The following PRKN variants were observed in gnomAD, a reference collection of about 807,000 sequenced individuals.
The protein encoded by PRKN is parkin RBR E3 ubiquitin protein ligase.
Under a neutral mutation model 59.5 loss-of-function variants are expected in PRKN, and 56 were observed. The observed-to-expected ratio is 0.94, with a 90% CI of 0.76 to 1.18. The LOEUF is 1.18. PRKN is among the 50% of genes most tolerant of loss of function. The pLI is 0.00. For missense variants in PRKN, 657 were observed against 596.4 expected (o/e 1.10, Z -1.06); for synonymous variants, 250 against 222.1 (o/e 1.13, Z -1.12).
chr6:161,755,583 G>C (rs1046765675), intron 7 of PRKN, among the ~76,000 whole-genome samples: 2 of 151,784 alleles, frequency 1.3e-5, no homozygotes, highest in African/African-American at 2.4e-5. Context: ...ACAGTGCCTC[G>C]ACTACGGCAA....
At chr6:162,595,903 G>A (rs1315917291) in intron 1 of PRKN, among the ~76,000 whole-genome samples, 1 of 151,992 alleles carries the variant, frequency 6.6e-6, no homozygotes, top group African/African-American at 2.4e-5. Flanking sequence ...TAAGCTCATT[G>A]AATATTAATG....
chr6:161,835,062 C>A (rs1354155029), intron 6 of PRKN, among the ~76,000 whole-genome samples: 1 of 152,172 alleles, frequency 6.6e-6, no homozygotes, highest in Non-Finnish European at 1.5e-5. Context: ...AAGTCCGTCT[C>A]TTACTGATTT....
At chr6:162,652,290 A>T (rs1778473661) in intron 1 of PRKN, among the ~76,000 whole-genome samples, 1 of 152,204 alleles carries the variant, frequency 6.6e-6, no homozygotes, top group African/African-American at 2.4e-5. Flanking sequence ...CTTCCAGCTG[A>T]CTGATATGTC....
intron 7 of PRKN, among the ~76,000 whole-genome samples, chr6:161,687,454 T>A (rs929435156): frequency 6.0e-5 from 9 of 149,582 alleles, no homozygotes; most frequent in African/African-American, 9.9e-5. Context: ...TCTTTTTTTT[T>A]AAATTAAAAA....
chr6:161,702,472 T>C (rs1583026632), intron 7 of PRKN, among the ~76,000 whole-genome samples: 1 of 151,980 alleles, frequency 6.6e-6, no homozygotes, highest in East Asian at 1.9e-4. Flanking sequence ...ATTCCACCTA[T>C]ATAAGGTCCT....
intron 3 of PRKN, among the ~76,000 whole-genome samples, chr6:162,250,416 T>C (rs188099509): frequency 1.1e-4 from 16 of 152,310 alleles, no homozygotes; most frequent in African/African-American, 3.8e-4. Flanking sequence ...CATTTATTTA[T>C]CTCTCTCACA....
chr6:161,723,946 C>T (rs976156691), intron 7 of PRKN, among the ~76,000 whole-genome samples: 12 of 152,226 alleles, frequency 7.9e-5, no homozygotes, highest in Non-Finnish European at 7.3e-5. Flanking sequence ...CCACCCTCTC[C>T]ACTGCGCACT....
intron 4 of PRKN, among the ~76,000 whole-genome samples, chr6:162,129,745 T>G (rs1025630961): frequency 6.6e-6 from 1 of 152,166 alleles, no homozygotes; most frequent in Admixed American, 6.6e-5. Flanking sequence ...ATAAGGTTAT[T>G]TATAATGTTT....
chr6:162,472,682 G>A lies in PRKN; in HGVS notation c.8-29209C>T, dbSNP rs1328853140. On this transcript the variant is annotated intron_variant, in intron 1 of 11. Transcript: ENST00000366898. ...TTTTTTTTGTATTTTTAGTAGAGACGGGGTTTCACCTTGTTAGCCAGGATG... is the reference window on the plus strand; with the variant it reads ...TTTTTTTTGTATTTTTAGTAGAGACAGGGTTTCACCTTGTTAGCCAGGATG... Among the ~76,000 whole-genome samples, 4 of 125,900 alleles carry A rather than the reference G, an allele frequency of 3.2e-5. No homozygotes were observed. In the South Asian group the frequency reaches 1.1e-3, roughly 36 times the overall value. The allele number at this position is 125,900 out of a possible 152,430, so 82.6% of individuals were successfully genotyped here. A position where few individuals can be genotyped will look rare whatever the true frequency, so the allele number is the denominator to read the frequency against.
intron 1 of PRKN, among the ~76,000 whole-genome samples, chr6:162,478,096 C>T (rs936720833): frequency 1.3e-5 from 2 of 152,110 alleles, no homozygotes; most frequent in Non-Finnish European, 2.9e-5. Flanking sequence ...TAGTACCTAC[C>T]ACAGTCTCCC....
At chr6:161,890,328 G>C (rs1318347922) in intron 6 of PRKN, among the ~76,000 whole-genome samples, 1 of 152,124 alleles carries the variant, frequency 6.6e-6, no homozygotes, top group African/African-American at 2.4e-5. Context: ...GATGAAAGAG[G>C]CCTTAATCCA....
chr6:161,557,728 C>T (rs1488156407), intron 8 of PRKN, among the ~76,000 whole-genome samples: 1 of 152,188 alleles, frequency 6.6e-6, no homozygotes, highest in African/African-American at 2.4e-5. Flanking sequence ...CGAGGTAAAA[C>T]TCAAGTCTGA....
rs1583447024 is a variant in PRKN, at chr6:162,366,026, C to T, written c.171+77284G>A. Among the ~76,000 whole-genome samples, 5 of 152,236 alleles carry T rather than the reference C, an allele frequency of 3.3e-5. No homozygotes were observed. The South Asian group carries it at 6.2e-4, about 19-fold the overall frequency. ...TAAAATTACTGCCCAAAGATTTGTACACACAAAATATTGATGGGTACTTGC... is the reference window on the plus strand; with the variant it reads ...TAAAATTACTGCCCAAAGATTTGTATACACAAAATATTGATGGGTACTTGC... On this transcript the variant is annotated intron_variant, in intron 2 of 11. Coordinates refer to ENST00000366898, the MANE Select transcript of PRKN (RefSeq NM_004562.3).
At chr6:161,912,780 C>T (rs1460421517) in intron 6 of PRKN, among the ~76,000 whole-genome samples, 2 of 152,104 alleles carry the variant, frequency 1.3e-5, no homozygotes, top group Admixed American at 6.6e-5. Flanking sequence ...CACCACATCT[C>T]CAGCAGAACT....
intron 10 of PRKN, among the ~76,000 whole-genome samples, chr6:161,368,423 C>T (rs1045429676): frequency 9.3e-6 from 1 of 107,078 alleles, no homozygotes; most frequent in African/African-American, 3.8e-5. Context: ...GGCCTGGTGG[C>T]GCACACATAT....
chr6:162,364,678 G>A (rs1159907710), intron 2 of PRKN, among the ~76,000 whole-genome samples: 1 of 152,064 alleles, frequency 6.6e-6, no homozygotes, highest in Non-Finnish European at 1.5e-5. Context: ...CGGCGAGCTG[G>A]GCCCTCTCAT....
intron 6 of PRKN, among the ~76,000 whole-genome samples, chr6:161,961,749 G>A (rs1780388080): frequency 6.6e-6 from 1 of 152,146 alleles, no homozygotes; most frequent in African/African-American, 2.4e-5. Context: ...CTTGAGCCAC[G>A]GATGAACTCA....
At chr6:161,824,037 G>A (rs1428379721) in intron 6 of PRKN, among the ~76,000 whole-genome samples, 2 of 152,186 alleles carry the variant, frequency 1.3e-5, no homozygotes, top group Non-Finnish European at 2.9e-5. Flanking sequence ...TTAGTGAGAT[G>A]TGGTATGGAG....
intron 2 of PRKN, among the ~76,000 whole-genome samples, chr6:162,362,924 C>T (rs531984077): frequency 8.6e-5 from 13 of 151,374 alleles, no homozygotes; most frequent in African/African-American, 2.4e-4. Flanking sequence ...GTCAGGAGAT[C>T]GAGACCATCC....
Sources: allele counts gnomAD v4.1 joint callset (sites outside exome capture counted in the v4.1 genomes callset), GRCh38; gene constraint gnomAD v4.1.1; transcripts MANE v1.5; gene names NCBI Gene and HGNC (gene_info 2026-07-23, HGNC 2026-07-21).